Variants in XKR5 observed in about 807,000 individuals in gnomAD.
XKR5 encodes the protein XK related 5.
In XKR5, 46 loss-of-function variants were observed where a neutral mutation model predicts 40.8. The observed-to-expected ratio is 1.13, with a 90% CI of 0.89 to 1.44. XKR5 has a LOEUF of 1.44. Among genes scored for constraint, XKR5 ranks in the 40% most tolerant of loss-of-function variants. The pLI is 0.00. For missense variants in XKR5, 1,169 were observed against 844.7 expected (o/e 1.38, Z -4.76); for synonymous variants, 466 against 356.1 (o/e 1.31, Z -3.48).
intron 6 of XKR5, among the ~76,000 whole-genome samples, chr8:6,815,426 C>G (rs1480253224): frequency 2.6e-5 from 4 of 152,112 alleles, no homozygotes; most frequent in African/African-American, 9.7e-5. Flanking sequence ...CTAGGGCACC[C>G]ACTTCCCGGG....
chr8:6,829,881 A>G (rs962038412), intron 2 of XKR5, among the ~76,000 whole-genome samples: 1 of 117,866 alleles, frequency 8.5e-6, no homozygotes, highest in Non-Finnish European at 1.6e-5. Context: ...TCTGTCACCC[A>G]AGCTGGAGTC....
intron 1 of XKR5, among the ~76,000 whole-genome samples, chr8:6,834,846 G>A (rs553859313): frequency 5.3e-5 from 8 of 151,932 alleles, no homozygotes; most frequent in Non-Finnish European, 7.4e-5. Flanking sequence ...CCCCTGCGAC[G>A]GAGGTGGCCT....
At chr8:6,831,467 C>G (rs886223982) in intron 2 of XKR5, among the ~76,000 whole-genome samples, 1 of 152,162 alleles carries the variant, frequency 6.6e-6, no homozygotes, top group Admixed American at 6.5e-5. Flanking sequence ...CACCCTCTAC[C>G]TCCTAGCTGA....
intron 1 of XKR5, among the ~76,000 whole-genome samples, chr8:6,835,192 GA>G (rs60061267): frequency 0.47 from 68,881 of 145,686 alleles, 16,493 homozygotes; most frequent in Admixed American, 0.52. Flanking sequence ...GGAGGGGGGG[GA>G]ACCGAGCATG....
intron 2 of XKR5, chr8:6,829,372 G>A (rs535235792): frequency 4.8e-5 from 8 of 168,214 alleles, no homozygotes; most frequent in Non-Finnish European, 1.2e-4. Context: ...AAAAACCTAA[G>A]TAGAAGAAAG....
chr8:6,825,170 A>T lies in XKR5; in HGVS notation c.422T>A (p.Val141Glu), dbSNP rs373156229. ...VFLASDFTDI[V>E]PGVSTLFSWS... is the part of the protein sequence containing the mutation. ...CTGTGGTGACAGTTACTCACCTGGC[A>T]CAATATCTGTGAAGTCTGAGGCTAG... Residue 141 changes from valine (V) to glutamate (E), a missense_variant, in exon 3 of 7, where the codon GTG becomes GAG. Coordinates refer to ENST00000618742, the MANE Select transcript of XKR5 (RefSeq NM_207411.5). 1 of 1,613,552 alleles carries T rather than the reference A, an allele frequency of 6.2e-7. No homozygotes were observed. The highest frequency in any genetic ancestry group is 8.5e-7 in the Non-Finnish European group (1 of 1,179,712).
At chr8:6,815,348 C>G (rs1007028733) in intron 6 of XKR5, among the ~76,000 whole-genome samples, 1 of 152,196 alleles carries the variant, frequency 6.6e-6, no homozygotes, top group African/African-American at 2.4e-5. Context: ...TCAGCTCTAT[C>G]TGTTACAAAC....
At chr8:6,825,979 G>A (rs972491115) in intron 2 of XKR5, among the ~76,000 whole-genome samples, 1 of 152,142 alleles carries the variant, frequency 6.6e-6, no homozygotes, top group African/African-American at 2.4e-5. Context: ...TGAACTTCAG[G>A]CTATGGGGTT....
At position 6,808,546 on chromosome 8, in the gene XKR5, T is replaced by G. The variant is rs995618859; in HGVS notation, c.*2652A>C. On this transcript the variant is annotated 3_prime_UTR_variant, in exon 7 of 7. Coordinates refer to ENST00000618742, the MANE Select transcript of XKR5 (RefSeq NM_207411.5). ...TGAATTAAGTGTCCATTTATTAGTC[T>G]TCTCTAATAAATATAGTGTATATTT... 2.0e-5 allele frequency: 3 copies of G among 152,218 alleles called. No individual in the cohort carries two copies. The highest frequency in any genetic ancestry group is 7.2e-5 in the African/African-American group (3 of 41,454). The allele number at this position is 152,218 out of a possible 1,614,324, so 9.4% of individuals were successfully genotyped here.
At chr8:6,831,828 ACC>A (rs1339094749) in intron 2 of XKR5, among the ~76,000 whole-genome samples, 4 of 152,104 alleles carry the variant, frequency 2.6e-5, no homozygotes, top group Admixed American at 6.5e-5. Context: ...ATGCTGGCTA[ACC>A]CAGTGAAACC....
chr8:6,815,842 T>TGCA lies in XKR5; in HGVS notation c.881_883dup (p.Leu294dup), dbSNP rs1803931465. ...TCCAGACAGGACCCCAGCTATGGTC[T>TGCA]GCAGGCTGGTCCACGATGCCCCCTG... is the stretch of plus-strand genomic sequence containing the variant. On this transcript the variant is annotated inframe_insertion, in exon 6 of 7. Transcript: ENST00000618742. 6 of 1,605,270 alleles carry TGCA rather than the reference T, an allele frequency of 3.7e-6. No individual in the cohort carries two copies. Among genetic ancestry groups the TGCA allele is most frequent in the African/African-American group, 2.7e-5 (2 of 74,714 alleles).
intron 2 of XKR5, among the ~76,000 whole-genome samples, chr8:6,827,017 G>C (rs1040603502): frequency 6.6e-6 from 1 of 152,140 alleles, no homozygotes; most frequent in Non-Finnish European, 1.5e-5. Flanking sequence ...CCTATGCCAG[G>C]CACCTTTACT....
In XKR5 at chr8:6,825,183, A is replaced by T; in HGVS notation, c.409T>A (p.Phe137Ile). ...TACTCACCTGGCACAATATCTGTGA[A>T]GTCTGAGGCTAGAAAAACATATGTC... ...LQTYVFLASD[F>I]TDIVPGVSTL... The change falls in exon 3 of 7, where the codon TTC becomes ATC. Residue 137 changes from phenylalanine (F) to isoleucine (I), a missense_variant. By Grantham distance (21) the Phe-to-Ile change is conservative (BLOSUM62 0). Coordinates refer to ENST00000618742, the MANE Select transcript of XKR5 (RefSeq NM_207411.5). The T allele has an allele frequency of 6.2e-7, 1 of 1,613,476 alleles. No homozygotes were observed. Among genetic ancestry groups the T allele is most frequent in the Non-Finnish European group, 8.5e-7 (1 of 1,179,666 alleles).
chr8:6,817,441 C>A (rs576215724), intron 5 of XKR5, among the ~76,000 whole-genome samples: 1 of 152,204 alleles, frequency 6.6e-6, no homozygotes, highest in South Asian at 2.1e-4. Flanking sequence ...CCTTCTTTTC[C>A]ATGAGTCTTC....
chr8:6,825,094 C>T (rs1804399591), intron 3 of XKR5, 71 bp downstream of exon 3: 4 of 1,577,686 alleles, frequency 2.5e-6, no homozygotes, highest in South Asian at 1.2e-5. Flanking sequence ...GAGGGTTTTG[C>T]TAAACAGGCT....
chr8:6,818,775 C>A (rs1185385691), intron 5 of XKR5, among the ~76,000 whole-genome samples: 3 of 152,340 alleles, frequency 2.0e-5, no homozygotes, highest in East Asian at 3.9e-4. Flanking sequence ...AGGGCTGAGG[C>A]CCAGCTGCAC....
At chr8:6,828,474 C>T (rs1416939604) in intron 2 of XKR5, among the ~76,000 whole-genome samples, 2 of 152,156 alleles carry the variant, frequency 1.3e-5, no homozygotes, top group South Asian at 2.1e-4. Flanking sequence ...GTGACTAGCC[C>T]GGTTTTCTGA....
intron 2 of XKR5, among the ~76,000 whole-genome samples, chr8:6,831,686 C>T (rs1804770473): frequency 6.6e-6 from 1 of 152,086 alleles, no homozygotes; most frequent in African/African-American, 2.4e-5. Context: ...AGCTGCAGGG[C>T]TTCACCGCTC....
At chr8:6,818,040 C>G (rs1394472546) in intron 5 of XKR5, among the ~76,000 whole-genome samples, 3 of 152,224 alleles carry the variant, frequency 2.0e-5, no homozygotes, top group African/African-American at 4.8e-5. Flanking sequence ...CCCTTTTAAG[C>G]CCTGTCACCT....
Sources: gnomAD v4.1 joint callset for allele counts (sites outside exome capture counted in the v4.1 genomes callset) on GRCh38, gnomAD v4.1.1 for gene constraint, MANE v1.5 for transcripts, NCBI Gene and HGNC (gene_info 2026-07-23, HGNC 2026-07-21) for gene names.